SLC24A4: variants seen among roughly 807,000 people sequenced by gnomAD.
The protein encoded by SLC24A4 is sodium/potassium/calcium exchanger 4.
SLC24A4 carries 53 observed loss-of-function variants against 79.0 expected under a neutral mutation model. The ratio of observed to expected loss-of-function variants is 0.67; its 90% CI spans 0.54 to 0.84. The LOEUF (loss-of-function observed/expected upper bound fraction) is 0.84. Among genes scored for constraint, SLC24A4 ranks in the 40% least tolerant of loss-of-function variants. SLC24A4 has a pLI of 0.00. For synonymous variants in SLC24A4, 323 were observed against 323.8 expected (o/e 1.00, Z 0.03); for missense variants, 731 against 822.0 (o/e 0.89, Z 1.35).
chr14:92,349,661 T>C (rs1041922679), intron 2 of SLC24A4, among the ~76,000 whole-genome samples: 1 of 152,226 alleles, frequency 6.6e-6, no homozygotes, highest in Non-Finnish European at 1.5e-5. Context: ...ACAGTCAAGA[T>C]ATACAAGTTT....
At position 92,490,603 on chromosome 14, in the gene SLC24A4, G is replaced by A. The variant is rs1256553664; in HGVS notation, c.1538-1062G>A. Among the ~76,000 whole-genome samples, 1 of 152,222 alleles carries A rather than the reference G, an allele frequency of 6.6e-6. No homozygotes were observed. The highest frequency in any genetic ancestry group is 1.5e-5 in the Non-Finnish European group (1 of 68,052). ...CTTGGTAAAAAGGATGCTGTACCAG[G>A]GGACCTTGGGCCGCCTGCAAACTGT... On this transcript the variant is annotated intron_variant, in intron 14 of 16. Coordinates refer to ENST00000532405, the MANE Select transcript of SLC24A4 (RefSeq NM_153646.4). The surrounding 1 kb of genome is among the most constrained non-coding windows in gnomAD (Gnocchi z 4.3).
intron 2 of SLC24A4, among the ~76,000 whole-genome samples, chr14:92,420,870 C>T (rs1369378263): frequency 1.3e-5 from 2 of 152,134 alleles, no homozygotes; most frequent in Non-Finnish European, 2.9e-5. Flanking sequence ...TCATTGGCAA[C>T]AGTGAGCTGG....
At position 92,500,742 on chromosome 14, in the gene SLC24A4, A is replaced by G. The variant is rs1896128773; in HGVS notation, c.*7114A>G. 1 of 152,326 alleles carries G rather than the reference A, an allele frequency of 6.6e-6. No homozygotes were observed. Among genetic ancestry groups the G allele is most frequent in the African/African-American group, 2.4e-5 (1 of 41,450 alleles). The allele number at this position is 152,326 out of a possible 1,614,324, so 9.4% of individuals were successfully genotyped here. A position where few individuals can be genotyped will look rare whatever the true frequency, so the allele number is the denominator to read the frequency against. On this transcript the variant is annotated 3_prime_UTR_variant, in exon 17 of 17. Transcript: ENST00000532405. The stretch of plus-strand genomic sequence containing the variant: ...TGCTGGTCTGTGAGGCTGAGTCTCC[A>G]TTTCAGAGCACACACTCCCTGGCAG...
chr14:92,453,652 C>T (rs1281621468), intron 10 of SLC24A4: 1 of 432,570 alleles, frequency 2.3e-6, no homozygotes, highest in Non-Finnish European at 4.1e-6. Flanking sequence ...GCATCAATTG[C>T]CCACGAGTGG....
chr14:92,484,187 C>T, intron 13 of SLC24A4: 1 of 985,384 alleles, frequency 1.0e-6, no homozygotes. Flanking sequence ...CCCATCTCTC[C>T]CAGAGCATTA....
chr14:92,442,488 T>C (rs1012279700), intron 5 of SLC24A4, among the ~76,000 whole-genome samples: 2 of 152,256 alleles, frequency 1.3e-5, no homozygotes, highest in Non-Finnish European at 2.9e-5. Flanking sequence ...ATGCACATTA[T>C]ATCTGAGTAA....
At chr14:92,439,624 A>G (rs1402914903) in intron 4 of SLC24A4, among the ~76,000 whole-genome samples, 3 of 152,224 alleles carry the variant, frequency 2.0e-5, no homozygotes, top group South Asian at 2.1e-4. Flanking sequence ...GGCAGAAAAA[A>G]ACACTCCCAG....
At chr14:92,457,070 C>T (rs1177870679) in intron 12 of SLC24A4, among the ~76,000 whole-genome samples, 1 of 152,190 alleles carries the variant, frequency 6.6e-6, no homozygotes, top group Non-Finnish European at 1.5e-5. Context: ...GACAGTCATA[C>T]CTTGTGTGTT....
chr14:92,416,089 C>T lies in SLC24A4; in HGVS notation c.242-17823C>T, dbSNP rs1257707967. 2.6e-5 allele frequency among the ~76,000 whole-genome samples: 4 copies of T among 151,710 alleles called. No homozygotes were observed. The South Asian group carries it at 8.4e-4, about 32-fold the overall frequency. On this transcript the variant is annotated intron_variant, in intron 2 of 16. Coordinates refer to ENST00000532405, the MANE Select transcript of SLC24A4 (RefSeq NM_153646.4). ...TGTAGAGACATCCCCACCACCCATT[C>T]CAGGAAAGGAAAGTGTGTGTATTTG...
intron 2 of SLC24A4, among the ~76,000 whole-genome samples, chr14:92,334,699 C>T (rs770084365): frequency 2.6e-5 from 4 of 152,110 alleles, no homozygotes; most frequent in Non-Finnish European, 5.9e-5. Context: ...CCAGCTCACC[C>T]CTTACTGGCC....
At chr14:92,380,404 G>C (rs1888773784) in intron 2 of SLC24A4, among the ~76,000 whole-genome samples, 1 of 152,182 alleles carries the variant, frequency 6.6e-6, no homozygotes, top group African/African-American at 2.4e-5. Context: ...CTTCAGGCAG[G>C]ATCCTGCTTG....
At chr14:92,439,245 C>T (rs1184561786) in intron 3 of SLC24A4, 90 bp from the exon 4 acceptor site, 30 of 1,096,434 alleles carry the variant, frequency 2.7e-5, no homozygotes, top group Non-Finnish European at 4.0e-5. Context: ...CTGGCCTCTG[C>T]CCTGGCAGCC....
chr14:92,456,160 G>A (rs1415366864), intron 11 of SLC24A4, among the ~76,000 whole-genome samples: 1 of 152,254 alleles, frequency 6.6e-6, no homozygotes. Flanking sequence ...CGAGCTGGCA[G>A]TAGGAAGGGG....
intron 12 of SLC24A4, among the ~76,000 whole-genome samples, chr14:92,461,003 A>G (rs373790546): frequency 1.8e-4 from 28 of 152,272 alleles, no homozygotes; most frequent in Admixed American, 6.5e-5. Flanking sequence ...GGTAGGGGGA[A>G]AAAGAGGAAG....
rs1892576008 is a variant in SLC24A4, at chr14:92,442,812, GC to G, written c.580del (p.Gln194ArgfsTer5). 7 of 1,613,524 alleles carry G rather than the reference GC, an allele frequency of 4.3e-6. No individual in the cohort carries two copies. Among genetic ancestry groups the G allele is most frequent in the Non-Finnish European group, 4.2e-6 (5 of 1,179,580 alleles). Reference protein sequence around the residue: ...CIIGVCGLFAGQVVRLTWWAV... With the variant: ...CIIGVCGLFAXQVVRLTWWAV... Reference sequence around the variant, plus strand: ...ATTGGAGTGTGCGGACTGTTTGCTGGCCAGGTCAGTGGTTTCTCCCTGGGCC... The same window carrying G: ...ATTGGAGTGTGCGGACTGTTTGCTGGCAGGTCAGTGGTTTCTCCCTGGGCC... On this transcript the variant is annotated frameshift_variant, in exon 6 of 17. Transcript: ENST00000532405. LOFTEE classifies it high-confidence loss of function.
chr14:92,337,571 C>CT (rs1322878992), intron 2 of SLC24A4, among the ~76,000 whole-genome samples: 1 of 152,218 alleles, frequency 6.6e-6, no homozygotes, highest in African/African-American at 2.4e-5. Context: ...TGGAGCCAAA[C>CT]TATCTGGTTT....
intron 2 of SLC24A4, among the ~76,000 whole-genome samples, chr14:92,401,336 G>T (rs1890101092): frequency 2.6e-5 from 4 of 152,148 alleles, no homozygotes; most frequent in Admixed American, 2.6e-4. Flanking sequence ...CATAGACATT[G>T]TTTATTTGTC....
chr14:92,461,511 G>T (rs1429525438), intron 12 of SLC24A4, among the ~76,000 whole-genome samples: 1 of 152,202 alleles, frequency 6.6e-6, no homozygotes, highest in African/African-American at 2.4e-5. Context: ...CTGACTTGTA[G>T]ACAGCTGCCT....
intron 2 of SLC24A4, among the ~76,000 whole-genome samples, chr14:92,423,225 A>G (rs150034891): frequency 4.1e-4 from 63 of 152,166 alleles, no homozygotes; most frequent in African/African-American, 1.5e-3. Flanking sequence ...GCTCACTGCA[A>G]TCTCCGCCTC....
Sources: gnomAD v4.1 joint callset for allele counts (sites outside exome capture counted in the v4.1 genomes callset) on GRCh38, gnomAD v4.1.1 for gene constraint, Gnocchi (gnomAD v3.1) non-coding constraint, MANE v1.5 for transcripts, NCBI Gene and HGNC (gene_info 2026-07-23, HGNC 2026-07-21) for gene names.